The following CFAP47 variants were observed in gnomAD, a reference collection of about 807,000 sequenced individuals.
The protein encoded by CFAP47 is cilia- and flagella-associated protein 47.
CFAP47 carries 29 observed loss-of-function variants against 148.1 expected under a neutral mutation model. The ratio of observed to expected loss-of-function variants is 0.20; its 90% CI spans 0.15 to 0.27. The LOEUF (loss-of-function observed/expected upper bound fraction) is 0.27. Ranked by LOEUF, CFAP47 falls within the 10% of genes least tolerant of loss-of-function variation. CFAP47 has a pLI of 1.00. For synonymous variants in CFAP47, 664 were observed against 577.3 expected, an observed-to-expected ratio of 1.15 and a Z score of -2.15; for missense variants, 1,872 against 1,697.5, an observed-to-expected ratio of 1.10 and a Z score of -1.81.
chrX:36,149,659 A>C (rs1939283877), intron 37 of CFAP47, among the ~76,000 whole-genome samples: 1 of 106,799 alleles, frequency 9.4e-6, no homozygotes, highest in Non-Finnish European at 1.9e-5. Context: ...CCCAGGCTGG[A>C]GTGCAGTGGC....
At chrX:36,276,801 A>T (rs1941022971) in intron 49 of CFAP47, among the ~76,000 whole-genome samples, 2 of 112,319 alleles carry the variant, frequency 1.8e-5, no homozygotes, top group South Asian at 7.2e-4. Flanking sequence ...GAACAACTGG[A>T]TTAATGTCCA....
intron 29 of CFAP47, 71 bp downstream of exon 29, chrX:36,073,435 T>G: frequency 2.2e-5 from 15 of 674,346 alleles, no homozygotes; most frequent in Non-Finnish European, 3.4e-5. Flanking sequence ...TTGATTGAGA[T>G]TATTTTAAGT....
intron 46 of CFAP47, among the ~76,000 whole-genome samples, chrX:36,230,498 A>T (rs1393722727): frequency 6.8e-5 from 7 of 103,043 alleles, no homozygotes; most frequent in East Asian, 6.2e-4. Context: ...TCATTGTAGA[A>T]TCTGGATATT....
chrX:36,264,632 G>T (rs1003473809), intron 49 of CFAP47, among the ~76,000 whole-genome samples: 1 of 111,934 alleles, frequency 8.9e-6, no homozygotes, highest in Admixed American at 9.5e-5. Flanking sequence ...TGTGGGGTGG[G>T]TGACGGGTGA....
At chrX:36,351,910 G>A (rs1941745851) in intron 59 of CFAP47, among the ~76,000 whole-genome samples, 1 of 111,511 alleles carries the variant, frequency 9.0e-6, no homozygotes, top group Non-Finnish European at 1.9e-5. Context: ...AGTAACATCG[G>A]ATATAACCTA....
chrX:36,221,515 TTAAAA>T (rs1441245409), intron 45 of CFAP47, among the ~76,000 whole-genome samples: 6 of 111,292 alleles, frequency 5.4e-5, no homozygotes, highest in Admixed American at 2.9e-4. Context: ...AAATGAGATG[TTAAAA>T]TAAACACAAA....
At chrX:36,175,941 C>T (rs1396879515) in intron 39 of CFAP47, among the ~76,000 whole-genome samples, 1 of 112,964 alleles carries the variant, frequency 8.9e-6, no homozygotes, top group African/African-American at 3.2e-5. Flanking sequence ...GCTGTGCTAG[C>T]AATCAGCGAG....
At chrX:36,026,191 G>A (rs1325351054) in intron 22 of CFAP47, among the ~76,000 whole-genome samples, 2 of 111,880 alleles carry the variant, frequency 1.8e-5, no homozygotes, top group Admixed American at 9.5e-5. Context: ...AGGCAAAGAT[G>A]TAGCATTTCT....
chrX:35,924,419 G>GCA lies in CFAP47; in HGVS notation c.250-1593_250-1592dup, dbSNP rs748954273. On this transcript the variant is annotated intron_variant, in intron 1 of 63. Coordinates refer to ENST00000378653, the MANE Select transcript of CFAP47 (RefSeq NM_001304548.2). ...TATATGCACACACATATGTGTATAT[G>GCA]CACACATATGTGTATATATGTACAC... 4.2e-4 allele frequency among the ~76,000 whole-genome samples: 42 copies of GCA among 100,119 alleles called. 2 individuals are homozygous for GCA. The highest frequency in any genetic ancestry group is 2.0e-4 in the Admixed American group (2 of 9,871). 86.9% of individuals were successfully genotyped at this position (100,119 alleles called of 115,157 possible).
At chrX:36,050,419 G>T (rs1168045498) in intron 26 of CFAP47, among the ~76,000 whole-genome samples, 4 of 111,575 alleles carry the variant, frequency 3.6e-5, no homozygotes, top group Non-Finnish European at 5.6e-5. Flanking sequence ...AGTTCAGGCT[G>T]AGGTGGTCTC....
chrX:36,061,858 A>G (rs1937596234), intron 26 of CFAP47, among the ~76,000 whole-genome samples: 1 of 111,926 alleles, frequency 8.9e-6, no homozygotes. Context: ...AATTTAAAGC[A>G]TGTTCAAAAC....
intron 52 of CFAP47, among the ~76,000 whole-genome samples, chrX:36,299,582 G>A (rs1941278312): frequency 9.0e-6 from 1 of 111,542 alleles, no homozygotes; most frequent in Non-Finnish European, 1.9e-5. Flanking sequence ...CAGTCATAAT[G>A]TCCTACAATA....
rs866088092 is a variant in CFAP47, at chrX:35,967,693, C to T, written c.1675C>T (p.Pro559Ser). The T allele has an allele frequency of 3.3e-6, 4 of 1,209,827 alleles. No homozygotes were observed. The highest frequency in any genetic ancestry group is 3.5e-5 in the African/African-American group (2 of 57,587). The change falls in exon 10 of 64, where the codon CCT becomes TCT. Residue 559 changes from proline to serine, a missense_variant. By Grantham distance (74) the Pro-to-Ser change is moderately conservative (BLOSUM62 -1). Transcript: ENST00000378653. ...CTTGGCAAAACGCAAGAATTATGCA[C>T]CTGTAGCAATGCTTCAATCAGCCAT... ...KDLAKRKNYAPVAMLQSAMTR... is the reference protein window; with the variant it reads ...KDLAKRKNYASVAMLQSAMTR...
Position 36,304,796 on chromosome X carries a change from A to C in CFAP47, c.8082+836A>C, listed in dbSNP as rs782211473. On this transcript the variant is annotated intron_variant, in intron 54 of 63. Coordinates refer to ENST00000378653, the MANE Select transcript of CFAP47 (RefSeq NM_001304548.2). ...TTAGATCCTGGCAGAGGCTAGGTCC[A>C]GTCAATGATACTAAATCACTCTTCT... 4.5e-5 allele frequency among the ~76,000 whole-genome samples: 5 copies of C among 111,705 alleles called. No individual in the cohort carries two copies. In the East Asian group the frequency reaches 1.4e-3, roughly 32 times the overall value.
intron 25 of CFAP47, among the ~76,000 whole-genome samples, chrX:36,046,044 G>A (rs757494924): frequency 1.7e-4 from 19 of 111,020 alleles, no homozygotes; most frequent in Admixed American, 2.9e-4. Flanking sequence ...TTTTATTCAA[G>A]GTAGCGTATA....
intron 60 of CFAP47, among the ~76,000 whole-genome samples, chrX:36,353,976 T>C (rs1235095021): frequency 8.9e-6 from 1 of 111,871 alleles, no homozygotes; most frequent in Non-Finnish European, 1.9e-5. Flanking sequence ...CTCAACTTTG[T>C]TTTTTTCTTT....
At position 36,348,282 on chromosome X, in the gene CFAP47, T is replaced by G; in HGVS notation, c.8597T>G (p.Phe2866Cys). ...AATTTTGATGAGTTGGATATAAAAT[T>G]TAAAAGGTAACATTTAAATAAAGAC... ...IDNFDELDIK[F>C]KSIVGIDSEE... Residue 2866 changes from phenylalanine (F) to cysteine (C), a missense_variant, in exon 58 of 64, where the codon TTT (phenylalanine) becomes TGT (cysteine). Coordinates refer to ENST00000378653, the MANE Select transcript of CFAP47 (RefSeq NM_001304548.2). The G allele has an allele frequency of 1.0e-6, 1 of 998,170 alleles. No individual in the cohort carries two copies. Among genetic ancestry groups the G allele is most frequent in the Non-Finnish European group, 1.3e-6 (1 of 776,235 alleles). 82.3% of individuals were successfully genotyped at this position (998,170 alleles called of 1,213,427 possible).
At chrX:36,198,225 A>G (rs1444030020) in intron 42 of CFAP47, among the ~76,000 whole-genome samples, 1 of 111,531 alleles carries the variant, frequency 9.0e-6, no homozygotes. Flanking sequence ...ACATCAATCA[A>G]TACATGTAAG....
chrX:36,126,211 C>T (rs145180143), intron 33 of CFAP47, among the ~76,000 whole-genome samples: 90 of 109,791 alleles, frequency 8.2e-4, no homozygotes, highest in African/African-American at 2.7e-3. Flanking sequence ...CAATACCTAA[C>T]ATTAGGTATT....
Sources: allele counts gnomAD v4.1 joint callset (sites outside exome capture counted in the v4.1 genomes callset), GRCh38; gene constraint gnomAD v4.1.1; transcripts MANE v1.5; gene names NCBI Gene and HGNC (gene_info 2026-07-23, HGNC 2026-07-21).